LDLRAD3: variants seen among roughly 807,000 people sequenced by gnomAD.
LDLRAD3 encodes the protein low density lipoprotein receptor class A domain containing 3, also known as low-density lipoprotein receptor class A domain-containing protein 3.
LDLRAD3 carries 20 observed loss-of-function variants against 29.4 expected under a neutral mutation model. The ratio of observed to expected loss-of-function variants is 0.68; its 90% CI spans 0.48 to 0.99. LDLRAD3 has a LOEUF of 0.99. Among genes scored for constraint, LDLRAD3 ranks in the 50% least tolerant of loss-of-function variants. The pLI, the probability that LDLRAD3 is intolerant of heterozygous loss-of-function variation, is 0.00. For synonymous variants in LDLRAD3, 157 were observed against 192.7 expected (o/e 0.81, Z 1.53); for missense variants, 420 against 454.3 (o/e 0.92, Z 0.69).
chr11:36,066,267 G>C (rs1261060802), intron 2 of LDLRAD3, among the ~76,000 whole-genome samples: 1 of 150,692 alleles, frequency 6.6e-6, no homozygotes, highest in Non-Finnish European at 1.5e-5. Flanking sequence ...TCTTTTTTTA[G>C]GTGGAAACTA....
chr11:36,191,535 C>CCTCTCT (rs1489463819), intron 4 of LDLRAD3, among the ~76,000 whole-genome samples: 4 of 53,782 alleles, frequency 7.4e-5, no homozygotes, highest in Admixed American at 1.8e-4. Flanking sequence ...AGAGCAAGAC[C>CCTCTCT]CTGTCTCTCT....
chr11:36,171,160 T>C (rs1335895170), intron 4 of LDLRAD3, among the ~76,000 whole-genome samples: 1 of 152,210 alleles, frequency 6.6e-6, no homozygotes, highest in Non-Finnish European at 1.5e-5. Flanking sequence ...TTTTTCTTGC[T>C]GAATTGTTTG....
intron 4 of LDLRAD3, among the ~76,000 whole-genome samples, chr11:36,125,172 A>T (rs1853817462): frequency 6.6e-6 from 1 of 152,040 alleles, no homozygotes; most frequent in African/African-American, 2.4e-5. Flanking sequence ...CTGCACTCTG[A>T]TCTGTGCATT....
chr11:36,135,738 C>T (rs965048906), intron 4 of LDLRAD3, among the ~76,000 whole-genome samples: 2 of 152,032 alleles, frequency 1.3e-5, no homozygotes, highest in Admixed American at 1.3e-4. Context: ...GGTGAAACAC[C>T]GTCTCTACTA....
At chr11:36,052,065 C>G (rs1852537143) in intron 2 of LDLRAD3, among the ~76,000 whole-genome samples, 1 of 152,204 alleles carries the variant, frequency 6.6e-6, no homozygotes. Context: ...ACTCATCTGT[C>G]ATAGGACTAG....
intron 2 of LDLRAD3, among the ~76,000 whole-genome samples, chr11:36,068,176 G>A (rs143362973): frequency 1.1e-4 from 17 of 152,242 alleles, no homozygotes; most frequent in Non-Finnish European, 2.5e-4. Flanking sequence ...GAGAATTAAT[G>A]TTGGTGGAAT....
chr11:35,969,528 GA>G (rs1851385983), intron 1 of LDLRAD3, among the ~76,000 whole-genome samples: 2 of 152,218 alleles, frequency 1.3e-5, no homozygotes, highest in Non-Finnish European at 2.9e-5. Flanking sequence ...CAGAGAATGG[GA>G]AAAAGCTTTG....
intron 1 of LDLRAD3, among the ~76,000 whole-genome samples, chr11:35,982,109 C>T (rs893643245): frequency 1.3e-5 from 2 of 152,092 alleles, no homozygotes; most frequent in African/African-American, 4.8e-5. Context: ...GTAGCAAGAC[C>T]GAGTGGCTTA....
Position 36,213,055 on chromosome 11 carries a change from C to G in LDLRAD3, c.455-14030C>G, listed in dbSNP as rs1359965957. On this transcript the variant is annotated intron_variant, in intron 4 of 5. Coordinates refer to ENST00000315571, the MANE Select transcript of LDLRAD3 (RefSeq NM_174902.4). This position sits in a 1 kb window ranked among gnomAD's most constrained non-coding sequence, Gnocchi z 4.1. The stretch of plus-strand genomic sequence containing the variant: ...CTCTGTCTCTCTCTCCCCCACCCCT[C>G]TCTTTCTCTCCCCCTCGCTCCCTCC... Among the ~76,000 whole-genome samples, 1 of 150,400 alleles carries G rather than the reference C, an allele frequency of 6.6e-6. No homozygotes were observed. Among genetic ancestry groups the G allele is most frequent in the Non-Finnish European group, 1.5e-5 (1 of 67,652 alleles).
At chr11:35,960,636 G>T (rs548271175) in intron 1 of LDLRAD3, among the ~76,000 whole-genome samples, 1 of 152,212 alleles carries the variant, frequency 6.6e-6, no homozygotes, top group Non-Finnish European at 1.5e-5. Context: ...TCGCTCTGTC[G>T]CCCAGGCTGG....
chr11:36,165,599 C>T (rs1000589586), intron 4 of LDLRAD3, among the ~76,000 whole-genome samples: 1 of 152,024 alleles, frequency 6.6e-6, no homozygotes, highest in African/African-American at 2.4e-5. Context: ...ATTGCAGCTC[C>T]CTTCTAAGTG....
intron 1 of LDLRAD3, among the ~76,000 whole-genome samples, chr11:36,027,864 A>G (rs116292086): frequency 0.011 from 1,650 of 152,298 alleles, 14 homozygotes; most frequent in African/African-American, 0.037. Context: ...CACAAGCCAG[A>G]TAAAATTGGT....
chr11:35,978,943 C>T (rs1021547371), intron 1 of LDLRAD3, among the ~76,000 whole-genome samples: 1 of 152,138 alleles, frequency 6.6e-6, no homozygotes, highest in Non-Finnish European at 1.5e-5. Context: ...CACATTTTTC[C>T]CTTATTAGTG....
chr11:35,986,494 G>C (rs568077912), intron 1 of LDLRAD3, among the ~76,000 whole-genome samples: 93 of 152,304 alleles, frequency 6.1e-4, no homozygotes, highest in Admixed American at 5.9e-3. Flanking sequence ...GGGTAGGAGA[G>C]GTCTGTGCTG....
chr11:36,156,393 G>C (rs1854351601), intron 4 of LDLRAD3, among the ~76,000 whole-genome samples: 1 of 152,354 alleles, frequency 6.6e-6, no homozygotes, highest in African/African-American at 2.4e-5. Context: ...GGTAGGGCCA[G>C]GTGCCTTGGC....
intron 4 of LDLRAD3, among the ~76,000 whole-genome samples, chr11:36,178,532 G>A (rs1178422435): frequency 6.6e-6 from 1 of 152,198 alleles, no homozygotes; most frequent in Non-Finnish European, 1.5e-5. Flanking sequence ...TTTTGAGTAA[G>A]CTCCTCACCA....
chr11:36,193,281 C>T (rs1308486034), intron 4 of LDLRAD3, among the ~76,000 whole-genome samples: 1 of 152,130 alleles, frequency 6.6e-6, no homozygotes, highest in Non-Finnish European at 1.5e-5. Context: ...ACTTTCCTGC[C>T]TTTTCCTTTC....
In LDLRAD3 at chr11:36,216,910, AGAG is replaced by A. The variant is rs1460797841; in HGVS notation, c.455-10171_455-10169del. The stretch of plus-strand genomic sequence containing the variant: ...GACAGATGTTCAGGATAAATGGGAC[AGAG>A]GAGAGGAGGGAGCAGAGAGAAGTAT... On this transcript the variant is annotated intron_variant, in intron 4 of 5. Coordinates refer to ENST00000315571, the MANE Select transcript of LDLRAD3 (RefSeq NM_174902.4). Among the ~76,000 whole-genome samples the A allele has an allele frequency of 2.6e-5, 4 of 152,368 alleles. No individual in the cohort carries two copies. In the South Asian group the frequency reaches 6.2e-4, roughly 24 times the overall value.
At chr11:35,950,143 T>TTGTTG (rs1851112580) in intron 1 of LDLRAD3, among the ~76,000 whole-genome samples, 1 of 152,130 alleles carries the variant, frequency 6.6e-6, no homozygotes, top group Admixed American at 6.6e-5. Context: ...GTTGACCTTC[T>TTGTTG]TCGTTATCTG....
Sources: allele counts gnomAD v4.1 joint callset (sites outside exome capture counted in the v4.1 genomes callset), GRCh38; gene constraint gnomAD v4.1.1; non-coding constraint Gnocchi (gnomAD v3.1); transcripts MANE v1.5; gene names NCBI Gene and HGNC (gene_info 2026-07-23, HGNC 2026-07-21).